The following MOCOS variants were observed in gnomAD, a reference collection of about 807,000 sequenced individuals.
MOCOS encodes molybdenum cofactor sulfurase, also known as human molybdenum cofactor sulfurase.
Under a neutral mutation model 83.6 loss-of-function variants are expected in MOCOS, and 86 were observed. The ratio of observed to expected loss-of-function variants is 1.03; its 90% CI spans 0.86 to 1.23. The LOEUF (loss-of-function observed/expected upper bound fraction) is 1.23. MOCOS is among the 50% of genes most tolerant of loss of function. The pLI is 0.00. For synonymous variants in MOCOS, 445 were observed against 434.7 expected, an observed-to-expected ratio of 1.02 and a Z score of -0.29; for missense variants, 1,120 against 1,126.9, an observed-to-expected ratio of 0.99 and a Z score of 0.09.
In MOCOS at chr18:36,251,139, TTC is replaced by T. The variant is rs774271338; in HGVS notation, c.2040-10_2040-9del. ...TAAATACTATGTAACAGTTCACTCTTTCTCTCTCTCTTTTGCCAGAGTAAGTA... is the reference window on the plus strand; with the variant it reads ...TAAATACTATGTAACAGTTCACTCTTTCTCTCTCTTTTGCCAGAGTAAGTA... On this transcript the variant is annotated intron_variant, in intron 10 of 14. Coordinates refer to ENST00000261326, the MANE Select transcript of MOCOS (RefSeq NM_017947.4). 94 of 1,605,688 alleles carry T rather than the reference TTC, an allele frequency of 5.9e-5. No homozygotes were observed. The highest frequency in any genetic ancestry group is 1.7e-4 in the Middle Eastern group (1 of 6,032).
At chr18:36,252,587 G>T (rs748606635) in intron 11 of MOCOS, among the ~76,000 whole-genome samples, 2 of 152,038 alleles carry the variant, frequency 1.3e-5, no homozygotes, top group Non-Finnish European at 2.9e-5. Context: ...TGCTAGGTGT[G>T]GTGGCATGCA....
Position 36,240,839 on chromosome 18 carries a change from G to A in MOCOS, c.1961-8083G>A, listed in dbSNP as rs539670831. On this transcript the variant is annotated intron_variant, in intron 9 of 14. Transcript: ENST00000261326. ...GGTGCAGGATATAATCTCGTGGTGC[G>A]CCGTTTTTTAAGCCCATCGGAAAAG... 1.2e-4 allele frequency among the ~76,000 whole-genome samples: 18 copies of A among 152,318 alleles called. 2 individuals are homozygous for A. In the South Asian group the frequency reaches 1.2e-3, roughly 11 times the overall value.
rs1304339072 is a variant in MOCOS, at chr18:36,254,825, TA to T, written c.2165-2140del. Among the ~76,000 whole-genome samples, 3 of 152,282 alleles carry T rather than the reference TA, an allele frequency of 2.0e-5. No individual in the cohort carries two copies. In the East Asian group the frequency reaches 5.8e-4, roughly 29 times the overall value. ...TAAATTGACATGGATAAACATTTTTTAAAGTTTACTGTGATTGTAAGAGTTT... is the reference window on the plus strand; with the variant it reads ...TAAATTGACATGGATAAACATTTTTTAAGTTTACTGTGATTGTAAGAGTTT... On this transcript the variant is annotated intron_variant, in intron 11 of 14. Coordinates refer to ENST00000261326, the MANE Select transcript of MOCOS (RefSeq NM_017947.4).
intron 3 of MOCOS, 86 bp from the exon 4 acceptor site, chr18:36,199,597 C>A: frequency 1.3e-6 from 2 of 1,590,460 alleles, no homozygotes; most frequent in South Asian, 1.1e-5. Context: ...GTAGAGATGT[C>A]ATAGTTAATA....
chr18:36,230,275 G>A (rs1432188179), intron 9 of MOCOS, among the ~76,000 whole-genome samples: 1 of 151,950 alleles, frequency 6.6e-6, no homozygotes, highest in African/African-American at 2.4e-5. Context: ...TTTAGAGATG[G>A]GATTTCACCA....
chr18:36,257,120 C>A, intron 12 of MOCOS, 47 bp downstream of exon 12: 2 of 1,529,510 alleles, frequency 1.3e-6, no homozygotes, highest in South Asian at 1.1e-5. Context: ...AACCATTTGC[C>A]ACTGGGAGCA....
chr18:36,212,459 C>T (rs1286889051), intron 6 of MOCOS, among the ~76,000 whole-genome samples: 1 of 152,114 alleles, frequency 6.6e-6, no homozygotes, highest in East Asian at 1.9e-4. Flanking sequence ...GTTGGCCAGG[C>T]CCAGTAGAGC....
In MOCOS at chr18:36,215,591, T is replaced by C. The variant is rs1209133752; in HGVS notation, c.1411T>C (p.Tyr471His). The stretch of plus-strand genomic sequence containing the variant: ...AGGATCTGTGAGGATTTCATTTGGA[T>C]ACATGTCGACGCTGGATGATGTCCA... ...PTGSVRISFG[Y>H]MSTLDDVQAF... The change falls in exon 8 of 15, where the codon TAC becomes CAC. Residue 471 changes from tyrosine (Y) to histidine (H), a missense_variant. By Grantham distance (83) the Tyr-to-His change is moderately conservative (BLOSUM62 2). Coordinates refer to ENST00000261326, the MANE Select transcript of MOCOS (RefSeq NM_017947.4). The C allele has an allele frequency of 6.2e-7, 1 of 1,614,202 alleles. No homozygotes were observed. Among genetic ancestry groups the C allele is most frequent in the Admixed American group, 1.7e-5 (1 of 60,020 alleles).
At position 36,223,706 on chromosome 18, in the gene MOCOS, A is replaced by G. The variant is rs1462140652; in HGVS notation, c.1960+3489A>G. Among the ~76,000 whole-genome samples the G allele has an allele frequency of 2.0e-5, 3 of 152,188 alleles. No homozygotes were observed. In the East Asian group the frequency reaches 5.8e-4, roughly 29 times the overall value. ...GCTCTATAGACATTTTAACAATATTAATTCTTCTAATCCATGAACATGGAG... is the reference window on the plus strand; with the variant it reads ...GCTCTATAGACATTTTAACAATATTGATTCTTCTAATCCATGAACATGGAG... On this transcript the variant is annotated intron_variant, in intron 9 of 14. Coordinates refer to ENST00000261326, the MANE Select transcript of MOCOS (RefSeq NM_017947.4).
intron 9 of MOCOS, among the ~76,000 whole-genome samples, chr18:36,236,613 G>A (rs756685027): frequency 0.2 from 23,470 of 119,774 alleles, 2,417 homozygotes; most frequent in Non-Finnish European, 0.26. Flanking sequence ...TTGGCAATGC[G>A]GGCTCTTTTT....
intron 9 of MOCOS, among the ~76,000 whole-genome samples, chr18:36,222,659 T>C (rs1178401991): frequency 6.6e-6 from 1 of 151,528 alleles, no homozygotes; most frequent in Non-Finnish European, 1.5e-5. Context: ...TGGAGTACAG[T>C]GGCGCGATCT....
At chr18:36,232,855 TACACAC>T (rs71168208) in intron 9 of MOCOS, among the ~76,000 whole-genome samples, 10,681 of 147,882 alleles carry the variant, frequency 0.072, 452 homozygotes, top group Admixed American at 0.12. Context: ...AATATTCCAT[TACACAC>T]ACACACACAC....
chr18:36,220,488 G>A (rs968234999), intron 9 of MOCOS, among the ~76,000 whole-genome samples: 21 of 152,040 alleles, frequency 1.4e-4, no homozygotes, highest in African/African-American at 5.1e-4. Flanking sequence ...CGGCCTGGGC[G>A]ACAGAGCAAG....
At chr18:36,204,293 C>G (rs527779779) in intron 5 of MOCOS, among the ~76,000 whole-genome samples, 1 of 152,196 alleles carries the variant, frequency 6.6e-6, no homozygotes, top group South Asian at 2.1e-4. Flanking sequence ...TTTGCCTATT[C>G]TTGGTAACTC....
At chr18:36,256,093 T>C (rs1367394121) in intron 11 of MOCOS, among the ~76,000 whole-genome samples, 2 of 152,076 alleles carry the variant, frequency 1.3e-5, no homozygotes, top group Non-Finnish European at 2.9e-5. Flanking sequence ...GGTTTCTCCA[T>C]GTTGGTCAGG....
intron 13 of MOCOS, among the ~76,000 whole-genome samples, chr18:36,262,271 A>ACACACACACACACACACACACACACACG (rs2091666494): frequency 1.3e-5 from 2 of 151,246 alleles, no homozygotes; most frequent in African/African-American, 2.4e-5. Flanking sequence ...ACACACACAC[A>ACACACACACACACACACACACACACACG]CACACGAAAA....
At chr18:36,237,670 T>C (rs2091564633) in intron 9 of MOCOS, among the ~76,000 whole-genome samples, 1 of 152,246 alleles carries the variant, frequency 6.6e-6, no homozygotes, top group Admixed American at 6.5e-5. Flanking sequence ...GAGGATTCCC[T>C]CTTTTTCTAT....
At chr18:36,255,611 G>T (rs2091638665) in intron 11 of MOCOS, among the ~76,000 whole-genome samples, 1 of 152,096 alleles carries the variant, frequency 6.6e-6, no homozygotes, top group African/African-American at 2.4e-5. Flanking sequence ...TCCCTTCTCT[G>T]GCAGAGCCGT....
intron 13 of MOCOS, among the ~76,000 whole-genome samples, chr18:36,262,748 C>T (rs1449209877): frequency 6.6e-6 from 1 of 152,204 alleles, no homozygotes; most frequent in Non-Finnish European, 1.5e-5. Flanking sequence ...ACGTGCTAGC[C>T]TCAGCCTCCC....
Sources: gnomAD v4.1 joint callset for allele counts (sites outside exome capture counted in the v4.1 genomes callset) on GRCh38, gnomAD v4.1.1 for gene constraint, MANE v1.5 for transcripts, NCBI Gene and HGNC (gene_info 2026-07-23, HGNC 2026-07-21) for gene names.